The following BFSP1 variants were observed in gnomAD, a reference collection of about 807,000 sequenced individuals.
BFSP1 encodes the protein beaded filament structural protein 1.
A neutral mutation model predicts 43.9 loss-of-function variants in BFSP1; 38 were observed. The observed-to-expected ratio is 0.87, with a 90% confidence interval of 0.67 to 1.14. The LOEUF (loss-of-function observed/expected upper bound fraction) is 1.14. Ranked by LOEUF, BFSP1 falls within the 50% of genes most tolerant of loss-of-function variation. The pLI, the probability that BFSP1 is intolerant of heterozygous loss-of-function variation, is 0.00. For synonymous variants in BFSP1, 352 were observed against 354.8 expected (o/e 0.99, Z 0.09); for missense variants, 850 against 875.1 (o/e 0.97, Z 0.36).
rs528489040 is a variant in BFSP1 at position 17,505,273 on chromosome 20, G to A, written c.735+3616C>T. On this transcript the variant is annotated intron_variant, in intron 5 of 7. Transcript: ENST00000377873. ...TCGTCCGCCCAGCGTCTCCCAGACT[G>A]AGCCCGCAGAGCCACGTGGAGGGCT... Among the ~76,000 whole-genome samples, 286 of 152,330 alleles carry A rather than the reference G, an allele frequency of 1.9e-3. 2 individuals carry two copies. Among genetic ancestry groups the A allele is most frequent in the Non-Finnish European group, 3.2e-3 (221 of 68,022 alleles).
At chr20:17,561,416 T>C (rs1477519058), upstream of BFSP1, among the ~76,000 whole-genome samples, 5 of 151,936 alleles carry the variant, frequency 3.3e-5, no homozygotes, top group Non-Finnish European at 7.4e-5. Context: ...GGAGAATCGC[T>C]TGGACCCGGG....
chr20:17,508,197 T>C (rs950097214), intron 5 of BFSP1, among the ~76,000 whole-genome samples: 1 of 152,138 alleles, frequency 6.6e-6, no homozygotes, highest in African/African-American at 2.4e-5. Context: ...CAAGCGTCCC[T>C]GTGGAATGAC....
intron 5 of BFSP1, among the ~76,000 whole-genome samples, chr20:17,504,558 G>T (rs1407074164): frequency 6.6e-6 from 1 of 152,208 alleles, no homozygotes; most frequent in African/African-American, 2.4e-5. Flanking sequence ...CCAGGAGGAG[G>T]CAGGACCGGT....
At chr20:17,514,006 T>C (rs1304652587) in intron 3 of BFSP1, among the ~76,000 whole-genome samples, 2 of 152,144 alleles carry the variant, frequency 1.3e-5, no homozygotes, top group Admixed American at 6.5e-5. Context: ...AACACCCCAC[T>C]ACAGGCGGAG....
At chr20:17,561,904 G>C (rs539570355), upstream of BFSP1, among the ~76,000 whole-genome samples, 1 of 152,020 alleles carries the variant, frequency 6.6e-6, no homozygotes, top group Admixed American at 6.6e-5. Context: ...TTTCTAGAGA[G>C]AGGTTTTATA....
chr20:17,500,475 A>G (rs1327425978), intron 5 of BFSP1, among the ~76,000 whole-genome samples: 4 of 152,194 alleles, frequency 2.6e-5, no homozygotes, highest in African/African-American at 9.7e-5. Context: ...GTTCACTCAC[A>G]TGTCTGTGAG....
intron 6 of BFSP1, among the ~76,000 whole-genome samples, chr20:17,497,987 A>C (rs1014589446): frequency 6.6e-6 from 1 of 152,172 alleles, no homozygotes; most frequent in African/African-American, 2.4e-5. Flanking sequence ...TATAATGTGG[A>C]ATCATGCCAG....
At chr20:17,513,116 A>C (rs888143686) in intron 3 of BFSP1, among the ~76,000 whole-genome samples, 4 of 152,150 alleles carry the variant, frequency 2.6e-5, no homozygotes, top group African/African-American at 9.7e-5. Flanking sequence ...TGAGGGACCC[A>C]GCTGTGGTGT....
intron 5 of BFSP1, among the ~76,000 whole-genome samples, chr20:17,500,130 G>A (rs185850374): frequency 4.6e-5 from 7 of 152,322 alleles, no homozygotes; most frequent in Non-Finnish European, 7.3e-5. Context: ...ATTTTCTCCC[G>A]AGTTTGGATC....
intron 5 of BFSP1, among the ~76,000 whole-genome samples, chr20:17,505,030 G>C (rs6111552): frequency 0.15 from 23,178 of 151,416 alleles, 2,092 homozygotes; most frequent in Middle Eastern, 0.21. Context: ...TGAGAAATGA[G>C]ACATGGGCGG....
At chr20:17,501,798 T>C (rs1220088205) in intron 5 of BFSP1, among the ~76,000 whole-genome samples, 1 of 152,178 alleles carries the variant, frequency 6.6e-6, no homozygotes, top group East Asian at 1.9e-4. Flanking sequence ...TGCAGAGTTA[T>C]AGGACCAGGG....
rs879636834 is a variant in BFSP1, at chr20:17,525,454, C to T, written c.378-546G>A. On this transcript the variant is annotated intron_variant, in intron 1 of 7. Coordinates refer to ENST00000377873, the MANE Select transcript of BFSP1 (RefSeq NM_001195.5). This position sits in a 1 kb window ranked among gnomAD's most constrained non-coding sequence, Gnocchi z 4.2. ...AGGAAACTCAGGCAGATGCTCCGCA[C>T]ACTTTTCCCTCCTCCCAGCAGCATC... Among the ~76,000 whole-genome samples the T allele has an allele frequency of 2.6e-5, 4 of 152,246 alleles. No individual in the cohort carries two copies. The highest frequency in any genetic ancestry group is 5.9e-5 in the Non-Finnish European group (4 of 68,052).
At chr20:17,498,621 G>A (rs1214535972) in intron 6 of BFSP1, among the ~76,000 whole-genome samples, 199 bp downstream of exon 6, 2 of 152,104 alleles carry the variant, frequency 1.3e-5, no homozygotes, top group Non-Finnish European at 2.9e-5. Context: ...CTCCCTGCGG[G>A]AACTTCCTCC....
chr20:17,562,526 CAAAAAAA>C (rs550158623), upstream of BFSP1, among the ~76,000 whole-genome samples: 383 of 48,048 alleles, frequency 8.0e-3, 1 homozygote, highest in South Asian at 0.017. Flanking sequence ...GACTCTGTCT[CAAAAAAA>C]AAAAAAAAAA....
At chr20:17,541,398 A>G (rs1006861157) in intron 1 of BFSP1, among the ~76,000 whole-genome samples, 15 of 152,162 alleles carry the variant, frequency 9.9e-5, no homozygotes, top group African/African-American at 3.6e-4. Flanking sequence ...GGCTGTTTCA[A>G]GGGGCATGGT....
intron 2 of BFSP1, among the ~76,000 whole-genome samples, chr20:17,524,097 T>C (rs1292639769): frequency 6.6e-6 from 1 of 152,104 alleles, no homozygotes; most frequent in African/African-American, 2.4e-5. Flanking sequence ...TCTCCATGGG[T>C]CGTTCTGCTC....
chr20:17,527,223 G>T (rs2034440138), intron 1 of BFSP1, among the ~76,000 whole-genome samples: 1 of 152,192 alleles, frequency 6.6e-6, no homozygotes. Flanking sequence ...AGTTTATTTT[G>T]TGTGTTGCAA....
At chr20:17,541,716 C>T (rs140349460) in intron 1 of BFSP1, among the ~76,000 whole-genome samples, 4 of 152,252 alleles carry the variant, frequency 2.6e-5, no homozygotes, top group East Asian at 1.9e-4. Context: ...AGATGTCAAC[C>T]GAAAACAAAA....
At chr20:17,546,899 C>T (rs1182761608) in intron 1 of BFSP1, among the ~76,000 whole-genome samples, 1 of 151,724 alleles carries the variant, frequency 6.6e-6, no homozygotes, top group East Asian at 1.9e-4. Context: ...TGGCAGGTAC[C>T]TGTAATCCCA....
Sources: gnomAD v4.1 joint callset for allele counts (sites outside exome capture counted in the v4.1 genomes callset) on GRCh38, gnomAD v4.1.1 for gene constraint, Gnocchi (gnomAD v3.1) non-coding constraint, MANE v1.5 for transcripts, NCBI Gene and HGNC (gene_info 2026-07-23, HGNC 2026-07-21) for gene names.